TUSC3: variants seen among roughly 807,000 people sequenced by gnomAD.
The protein encoded by TUSC3 is dolichyl-diphosphooligosaccharide--protein glycosyltransferase subunit TUSC3.
In TUSC3, 45 loss-of-function variants were observed where a neutral mutation model predicts 44.8. The observed-to-expected ratio is 1.00, with a 90% CI of 0.79 to 1.29. TUSC3 has a LOEUF of 1.29. TUSC3 is among the 50% of genes most tolerant of loss of function. The probability of loss-of-function intolerance (pLI) is 0.00; values close to 1 mark genes in which losing one functional copy is unlikely to be tolerated. For synonymous variants in TUSC3, 212 were observed against 152.9 expected (o/e 1.39, Z -2.85); for missense variants, 519 against 437.9 (o/e 1.19, Z -1.65).
intron 1 of TUSC3, among the ~76,000 whole-genome samples, chr8:15,454,552 A>G (rs999544956): frequency 6.6e-6 from 1 of 152,140 alleles, no homozygotes; most frequent in African/African-American, 2.4e-5. Context: ...CCAGCTCGCT[A>G]TTTGTTTCAA....
chr8:15,662,979 A>G (rs1488464782), intron 5 of TUSC3, among the ~76,000 whole-genome samples: 1 of 151,914 alleles, frequency 6.6e-6, no homozygotes, highest in Non-Finnish European at 1.5e-5. Context: ...GGATATTCAG[A>G]GAACTACAGT....
At chr8:15,497,880 G>A (rs1158606946) in intron 2 of TUSC3, among the ~76,000 whole-genome samples, 1 of 151,904 alleles carries the variant, frequency 6.6e-6, no homozygotes, top group Non-Finnish European at 1.5e-5. Context: ...GAGTAGTTGG[G>A]ATTCTGTAAT....
chr8:15,683,049 G>C (rs140237363), intron 6 of TUSC3, among the ~76,000 whole-genome samples: 87 of 152,252 alleles, frequency 5.7e-4, no homozygotes, highest in African/African-American at 1.4e-3. Flanking sequence ...CTTCAGAGGT[G>C]ATATGACCCT....
chr8:15,613,784 C>G (rs1274119654), intron 1 of TUSC3, among the ~76,000 whole-genome samples: 1 of 152,130 alleles, frequency 6.6e-6, no homozygotes, highest in East Asian at 1.9e-4. Flanking sequence ...TCTCCTTTAA[C>G]TTTAACATTC....
intron 1 of TUSC3, among the ~76,000 whole-genome samples, chr8:15,464,886 G>T (rs938735861): frequency 1.3e-5 from 2 of 151,972 alleles, no homozygotes; most frequent in African/African-American, 4.8e-5. Flanking sequence ...GTCTTGCTCT[G>T]TCTCCCAGGC....
intron 1 of TUSC3, among the ~76,000 whole-genome samples, chr8:15,548,591 G>A (rs779364470): frequency 4.0e-5 from 6 of 151,818 alleles, no homozygotes; most frequent in Non-Finnish European, 8.8e-5. Context: ...GGTACTTGAT[G>A]ACATGTCTTA....
intron 1 of TUSC3, among the ~76,000 whole-genome samples, chr8:15,566,927 C>CACCT (rs1802701133): frequency 6.6e-6 from 1 of 152,108 alleles, no homozygotes; most frequent in Non-Finnish European, 1.5e-5. Context: ...CCGGCCAACA[C>CACCT]ATATTCTTAC....
intron 2 of TUSC3, among the ~76,000 whole-genome samples, chr8:15,488,799 A>T (rs887959262): frequency 6.6e-5 from 10 of 152,208 alleles, no homozygotes; most frequent in Non-Finnish European, 1.3e-4. Context: ...CGGTGCCTTG[A>T]TCTTAGACTT....
intron 2 of TUSC3, among the ~76,000 whole-genome samples, chr8:15,631,044 A>C (rs1158652896): frequency 1.3e-5 from 2 of 151,926 alleles, no homozygotes; most frequent in East Asian, 1.9e-4. Context: ...CTTAATTTTT[A>C]AGTTTCCTTA....
At chr8:15,593,809 C>T (rs1364505947) in intron 1 of TUSC3, among the ~76,000 whole-genome samples, 1 of 152,124 alleles carries the variant, frequency 6.6e-6, no homozygotes, top group Non-Finnish European at 1.5e-5. Context: ...TTACCATCGT[C>T]CAGTCCCTCC....
Position 15,670,295 on chromosome 8 carries a change from T to C in TUSC3, c.709-3452T>C, listed in dbSNP as rs541311681. On this transcript the variant is annotated intron_variant, in intron 5 of 10. Coordinates refer to ENST00000503731, the MANE Select transcript of TUSC3 (RefSeq NM_006765.4). Reference sequence around the variant, plus strand: ...GAAGGAAGAATAATGCTGGAGAACTTACACTTACAGATATCAACATTTATT... The same window carrying C: ...GAAGGAAGAATAATGCTGGAGAACTCACACTTACAGATATCAACATTTATT... Among the ~76,000 whole-genome samples the C allele has an allele frequency of 1.1e-4, 16 of 151,962 alleles. No homozygotes were observed. The South Asian group carries it at 3.3e-3, about 31-fold the overall frequency.
the TUSC3 span, among the ~76,000 whole-genome samples, chr8:15,812,578 T>A: frequency 6.6e-6 from 1 of 152,068 alleles, no homozygotes; most frequent in Admixed American, 6.6e-5. Context: ...ATACATATAC[T>A]CCTGGCCGTC....
intron 2 of TUSC3, among the ~76,000 whole-genome samples, chr8:15,508,281 C>A (rs184465360): frequency 6.6e-6 from 1 of 151,914 alleles, no homozygotes. Context: ...CAAAACCTTG[C>A]TCTGGACAAA....
intron 2 of TUSC3, among the ~76,000 whole-genome samples, chr8:15,509,854 A>G (rs1244968809): frequency 6.6e-6 from 1 of 152,174 alleles, no homozygotes; most frequent in Admixed American, 6.5e-5. Context: ...GTTGACCAAA[A>G]TATGTATTTT....
At position 15,583,327 on chromosome 8, in the gene TUSC3, A is replaced by G. The variant is rs535411303; in HGVS notation, c.139-39753A>G. 3.3e-5 allele frequency among the ~76,000 whole-genome samples: 5 copies of G among 152,330 alleles called. No individual in the cohort carries two copies. In the East Asian group the frequency reaches 9.6e-4, roughly 29 times the overall value. ...TAAGTTCATAGTCATTTTGTAATAA[A>G]ATGCGGAACTAATAAAACTCACTTT... On this transcript the variant is annotated intron_variant, in intron 1 of 10. Coordinates refer to ENST00000503731, the MANE Select transcript of TUSC3 (RefSeq NM_006765.4).
intron 1 of TUSC3, among the ~76,000 whole-genome samples, chr8:15,541,886 TGAA>T (rs1801704525): frequency 7.3e-6 from 1 of 136,584 alleles, no homozygotes; most frequent in Admixed American, 7.3e-5. Context: ...TAAAAGATGA[TGAA>T]GAACTCCATG....
At chr8:15,610,958 A>C (rs1286837494) in intron 1 of TUSC3, among the ~76,000 whole-genome samples, 1 of 152,176 alleles carries the variant, frequency 6.6e-6, no homozygotes, top group South Asian at 2.1e-4. Flanking sequence ...GTCTCTAGAA[A>C]AAGTTCACTT....
chr8:15,713,660 C>T (rs1809949385), intron 6 of TUSC3, among the ~76,000 whole-genome samples: 1 of 152,038 alleles, frequency 6.6e-6, no homozygotes, highest in South Asian at 2.1e-4. Flanking sequence ...TCTCCTCCCT[C>T]ACTCTTCCCA....
chr8:15,502,570 A>C (rs2129127087), intron 2 of TUSC3, among the ~76,000 whole-genome samples: 1 of 152,302 alleles, frequency 6.6e-6, no homozygotes, highest in East Asian at 1.9e-4. Context: ...CGCTCACTGC[A>C]AGCTCCACCT....
Sources: gnomAD v4.1 joint callset for allele counts (sites outside exome capture counted in the v4.1 genomes callset) on GRCh38, gnomAD v4.1.1 for gene constraint, MANE v1.5 for transcripts, NCBI Gene and HGNC (gene_info 2026-07-23, HGNC 2026-07-21) for gene names.